LRRC8C: variants seen among roughly 807,000 people sequenced by gnomAD.
LRRC8C encodes volume-regulated anion channel subunit LRRC8C.
A neutral mutation model predicts 55.3 loss-of-function variants in LRRC8C; 20 were observed. That is an observed-to-expected ratio of 0.36 (90% CI 0.25 to 0.53). The LOEUF is 0.53. Ranked by LOEUF, LRRC8C falls within the 20% of genes least tolerant of loss-of-function variation. The pLI, the probability that LRRC8C is intolerant of heterozygous loss-of-function variation, is 0.92. For missense variants in LRRC8C, 659 were observed against 951.4 expected (o/e 0.69, Z 4.04); for synonymous variants, 376 against 360.7 (o/e 1.04, Z -0.48).
chr1:89,695,788 A>G (rs2101312395), intron 2 of LRRC8C, among the ~76,000 whole-genome samples: 1 of 152,324 alleles, frequency 6.6e-6, no homozygotes. Context: ...CCAAAACTTC[A>G]AACAGAAAGC....
intron 1 of LRRC8C, among the ~76,000 whole-genome samples, chr1:89,633,636 G>C (rs1557643133): frequency 2.0e-5 from 3 of 152,130 alleles, no homozygotes. Flanking sequence ...CGCGGGGGTG[G>C]GGGGGCGGTC....
rs556439324 is a variant in LRRC8C, at chr1:89,710,603, A to G, written c.139-2106A>G. Reference sequence around the variant, plus strand: ...GTAGCCACCAAATCCTCTAAATGCAATCACATTTGTTGTTCTTACCTGCAT... The same window carrying G: ...GTAGCCACCAAATCCTCTAAATGCAGTCACATTTGTTGTTCTTACCTGCAT... On this transcript the variant is annotated intron_variant, in intron 2 of 2. Transcript: ENST00000370454. 2.0e-5 allele frequency among the ~76,000 whole-genome samples: 3 copies of G among 152,316 alleles called. No individual in the cohort carries two copies. In the East Asian group the frequency reaches 5.8e-4, roughly 29 times the overall value.
intron 1 of LRRC8C, among the ~76,000 whole-genome samples, chr1:89,662,563 T>C (rs1013149238): frequency 1.3e-5 from 2 of 152,176 alleles, no homozygotes; most frequent in Admixed American, 1.3e-4. Context: ...TGAGAGATGA[T>C]GGTGGCTTGG....
chr1:89,708,175 A>C (rs1426665086), intron 2 of LRRC8C, among the ~76,000 whole-genome samples: 1 of 151,534 alleles, frequency 6.6e-6, no homozygotes, highest in African/African-American at 2.4e-5. Flanking sequence ...TTTTTCCTCC[A>C]AAGGCAGCTG....
At chr1:89,647,221 A>T (rs114147050) in intron 1 of LRRC8C, among the ~76,000 whole-genome samples, 2,919 of 152,256 alleles carry the variant, frequency 0.019, 109 homozygotes, top group African/African-American at 0.066. Flanking sequence ...GACAAAGCAA[A>T]TCTTCGGTGC....
chr1:89,660,829 A>G (rs6685615), intron 1 of LRRC8C, among the ~76,000 whole-genome samples: 2,441 of 152,212 alleles, frequency 0.016, 54 homozygotes, highest in African/African-American at 0.056. Context: ...CAACCCTCAG[A>G]TTTCGTCCTG....
At chr1:89,680,332 C>A (rs878946789) in intron 1 of LRRC8C, among the ~76,000 whole-genome samples, 1 of 152,150 alleles carries the variant, frequency 6.6e-6, no homozygotes, top group Admixed American at 6.5e-5. Context: ...CCACCTCGGC[C>A]TCCCAAAGTG....
At chr1:89,692,904 C>T (rs956321133) in intron 2 of LRRC8C, among the ~76,000 whole-genome samples, 1 of 152,306 alleles carries the variant, frequency 6.6e-6, no homozygotes, top group African/African-American at 2.4e-5. Context: ...TGCTCAGTGA[C>T]TCCAGGTTAT....
chr1:89,655,272 T>G (rs1656910423), intron 1 of LRRC8C, among the ~76,000 whole-genome samples: 1 of 152,306 alleles, frequency 6.6e-6, no homozygotes, highest in South Asian at 2.1e-4. Context: ...TCGGTGTGTT[T>G]ATTTTATAAA....
chr1:89,631,526 A>G (rs1656107665), upstream of LRRC8C: 1 of 152,126 alleles, frequency 6.6e-6, no homozygotes, highest in Admixed American at 6.5e-5. Context: ...AGGTAAGGTA[A>G]GAGAATTGAA....
chr1:89,636,661 G>A (rs1656292147), intron 1 of LRRC8C, among the ~76,000 whole-genome samples: 1 of 151,498 alleles, frequency 6.6e-6, no homozygotes, highest in East Asian at 1.9e-4. Context: ...CTGAAATTCT[G>A]CATCTCCTAC....
chr1:89,677,862 G>A (rs1319329596), intron 1 of LRRC8C, among the ~76,000 whole-genome samples: 3 of 152,178 alleles, frequency 2.0e-5, no homozygotes, highest in Non-Finnish European at 4.4e-5. Context: ...ACAATCTACA[G>A]TCATGCTCTC....
chr1:89,680,364 A>G (rs1657669488), intron 1 of LRRC8C, among the ~76,000 whole-genome samples: 1 of 152,026 alleles, frequency 6.6e-6, no homozygotes, highest in African/African-American at 2.4e-5. Context: ...GGCGTGAGCC[A>G]CCGTGCCCGG....
intron 1 of LRRC8C, among the ~76,000 whole-genome samples, chr1:89,658,929 A>T (rs1388388127): frequency 6.6e-6 from 1 of 152,128 alleles, no homozygotes; most frequent in African/African-American, 2.4e-5. Flanking sequence ...AAGCAAACAA[A>T]TTTTTAAAAA....
intron 1 of LRRC8C, among the ~76,000 whole-genome samples, chr1:89,659,057 T>G (rs1323362319): frequency 2.5e-5 from 2 of 81,618 alleles, no homozygotes; most frequent in East Asian, 2.5e-4. Flanking sequence ...GGTTTTTTTT[T>G]TTTTTGTGTG....
At position 89,717,066 on chromosome 1, in the gene LRRC8C, G is replaced by T. The variant is rs1040636833; in HGVS notation, c.*2084G>T. ...GAATAATAACATGGTTATAGTTCTT[G>T]TATGATAAAGTATTCAATTTCAGAA... is the stretch of plus-strand genomic sequence containing the variant. On this transcript the variant is annotated 3_prime_UTR_variant, in exon 3 of 3. Transcript: ENST00000370454. 9.2e-5 allele frequency: 14 copies of T among 152,162 alleles called. No individual in the cohort carries two copies. The highest frequency in any genetic ancestry group is 2.1e-4 in the Non-Finnish European group (14 of 68,026). 9.4% of individuals were successfully genotyped at this position (152,162 alleles called of 1,614,324 possible). A position where few individuals can be genotyped will look rare whatever the true frequency, so the allele number is the denominator to read the frequency against.
chr1:89,638,773 C>T (rs1656368245), intron 1 of LRRC8C, among the ~76,000 whole-genome samples: 1 of 152,006 alleles, frequency 6.6e-6, no homozygotes, highest in South Asian at 2.1e-4. Flanking sequence ...AAAAGCCTCC[C>T]CTACCTGTAT....
At chr1:89,694,585 CTTTTTTT>C (rs33917661) in intron 2 of LRRC8C, among the ~76,000 whole-genome samples, 1 of 83,282 alleles carries the variant, frequency 1.2e-5, no homozygotes, top group Non-Finnish European at 2.2e-5. Context: ...TGCCCAGCTT[CTTTTTTT>C]TTTTTTTTTT....
chr1:89,665,953 A>G (rs570617272), intron 1 of LRRC8C, among the ~76,000 whole-genome samples: 6 of 152,270 alleles, frequency 3.9e-5, no homozygotes, highest in African/African-American at 1.4e-4. Flanking sequence ...TGTTGCAGTT[A>G]CCTACAGGAT....
Sources: allele counts gnomAD v4.1 joint callset (sites outside exome capture counted in the v4.1 genomes callset), GRCh38; gene constraint gnomAD v4.1.1; transcripts MANE v1.5; gene names NCBI Gene and HGNC (gene_info 2026-07-23, HGNC 2026-07-21).